The following CACNA1C variants were observed in gnomAD, a reference collection of about 807,000 sequenced individuals.
CACNA1C encodes the protein voltage-dependent L-type calcium channel subunit alpha-1C.
In CACNA1C, 30 loss-of-function variants were observed where a neutral mutation model predicts 229.0. The observed-to-expected ratio is 0.13, with a 90% CI of 0.10 to 0.18. CACNA1C has a LOEUF of 0.18. Among genes scored for constraint, CACNA1C ranks in the 10% least tolerant of loss-of-function variants. The probability of loss-of-function intolerance (pLI) is 1.00; values close to 1 mark genes in which losing one functional copy is unlikely to be tolerated. For synonymous variants in CACNA1C, 1,114 were observed against 1,132.5 expected, an observed-to-expected ratio of 0.98 and a Z score of 0.33; for missense variants, 1,658 against 2,845.0, an observed-to-expected ratio of 0.58 and a Z score of 9.49.
intron 26 of CACNA1C, chr12:2,607,360 T>C (rs1405066066): frequency 6.2e-6 from 3 of 483,178 alleles, no homozygotes; most frequent in East Asian, 3.4e-5. Flanking sequence ...AAAAGTGACC[T>C]TTTTTTAGCC....
intron 1 of CACNA1C, among the ~76,000 whole-genome samples, chr12:2,078,704 C>T (rs1022621684): frequency 1.3e-5 from 2 of 152,136 alleles, no homozygotes; most frequent in African/African-American, 4.8e-5. Context: ...AAACGCTTAT[C>T]GTGGAAGTCG....
chr12:2,113,299 G>A (rs533572427), intron 1 of CACNA1C, among the ~76,000 whole-genome samples: 62 of 152,334 alleles, frequency 4.1e-4, no homozygotes, highest in Non-Finnish European at 7.9e-4. Context: ...AGGTTCCTGT[G>A]GGGACGGGGT....
intron 1 of CACNA1C, among the ~76,000 whole-genome samples, chr12:2,019,335 G>A (rs911154985): frequency 1.3e-5 from 2 of 151,956 alleles, no homozygotes; most frequent in African/African-American, 4.8e-5. Flanking sequence ...GTTGTGGCAC[G>A]TGCCTGTAGT....
chr12:1,996,661 A>C (rs2040986338), intron 1 of CACNA1C, among the ~76,000 whole-genome samples: 1 of 106,330 alleles, frequency 9.4e-6, no homozygotes, highest in Non-Finnish European at 1.9e-5. Flanking sequence ...AAAAACAACA[A>C]ACTCTTCTAA....
chr12:2,076,970 G>T (rs1016717855), intron 1 of CACNA1C, among the ~76,000 whole-genome samples: 2 of 152,232 alleles, frequency 1.3e-5, no homozygotes, highest in African/African-American at 4.8e-5. Flanking sequence ...TGGCTGGCAC[G>T]TGCCCTGGAG....
At chr12:2,269,040 G>A (rs956326660) in intron 3 of CACNA1C, among the ~76,000 whole-genome samples, 7 of 152,192 alleles carry the variant, frequency 4.6e-5, no homozygotes, top group Non-Finnish European at 7.3e-5. Flanking sequence ...CTGGCAGCAG[G>A]TACCAGCAAG....
At chr12:2,081,288 C>T (rs187713965) in intron 1 of CACNA1C, among the ~76,000 whole-genome samples, 63 of 152,194 alleles carry the variant, frequency 4.1e-4, no homozygotes, top group Admixed American at 2.9e-3. Flanking sequence ...AGACATTTTT[C>T]GGCCAGGTGC....
intron 1 of CACNA1C, among the ~76,000 whole-genome samples, chr12:2,002,614 T>C (rs1263744842): frequency 6.6e-6 from 1 of 152,186 alleles, no homozygotes; most frequent in Non-Finnish European, 1.5e-5. Context: ...GAAACAACTA[T>C]TATTCAAGAG....
At chr12:2,368,040 A>T (rs2097767135) in intron 3 of CACNA1C, among the ~76,000 whole-genome samples, 1 of 152,242 alleles carries the variant, frequency 6.6e-6, no homozygotes, top group African/African-American at 2.4e-5. Context: ...TTCAAGGACT[A>T]TTCAATGCTG....
intron 5 of CACNA1C, among the ~76,000 whole-genome samples, chr12:2,481,858 A>G (rs565907337): frequency 8.0e-4 from 122 of 152,366 alleles, no homozygotes; most frequent in Middle Eastern, 6.8e-3. Flanking sequence ...GTTTGTCAGC[A>G]GTTGCTTCAC....
At position 2,403,822 on chromosome 12, in the gene CACNA1C, G is replaced by C. The variant is rs1019215351; in HGVS notation, c.478-45154G>C. Among the ~76,000 whole-genome samples, 1 of 152,182 alleles carries C rather than the reference G, an allele frequency of 6.6e-6. No homozygotes were observed. On this transcript the variant is annotated intron_variant, in intron 3 of 46. Coordinates refer to ENST00000399655, the MANE Select transcript of CACNA1C (RefSeq NM_000719.7). The surrounding 1 kb of genome is among the most constrained non-coding windows in gnomAD (Gnocchi z 4.1). ...CCCACCACAAGATGACGAAGATGTG[G>C]TGTTGACAGACTGCTGGTGTCCGTG...
chr12:1,981,263 T>G (rs1013884795), intron 1 of CACNA1C, among the ~76,000 whole-genome samples: 1 of 152,216 alleles, frequency 6.6e-6, no homozygotes, highest in Non-Finnish European at 1.5e-5. Flanking sequence ...GGCTCCTTAA[T>G]GCCTAATGGC....
chr12:2,385,103 A>C (rs189707596), intron 3 of CACNA1C, among the ~76,000 whole-genome samples: 8 of 152,334 alleles, frequency 5.3e-5, no homozygotes, highest in Non-Finnish European at 8.8e-5. Context: ...TTCCCAGAGA[A>C]AATGAGGCTT....
At chr12:2,272,504 A>G (rs1434308901) in intron 3 of CACNA1C, among the ~76,000 whole-genome samples, 1 of 152,234 alleles carries the variant, frequency 6.6e-6, no homozygotes, top group Non-Finnish European at 1.5e-5. Context: ...GACAGCAGAT[A>G]TTCCAAAACT....
chr12:2,284,306 T>TTTG (rs2092237710), intron 3 of CACNA1C, among the ~76,000 whole-genome samples: 2 of 152,038 alleles, frequency 1.3e-5, no homozygotes, highest in African/African-American at 4.8e-5. Flanking sequence ...TTTTTTTTTT[T>TTTG]TTTTGGTAGT....
intron 3 of CACNA1C, among the ~76,000 whole-genome samples, chr12:2,415,773 G>A (rs997839556): frequency 1.3e-5 from 2 of 152,174 alleles, no homozygotes; most frequent in African/African-American, 4.8e-5. Flanking sequence ...CCCCGCCATG[G>A]TGGCCTCGTC....
At chr12:2,635,881 T>C (rs575917414) in intron 30 of CACNA1C, among the ~76,000 whole-genome samples, 1 of 152,322 alleles carries the variant, frequency 6.6e-6, no homozygotes, top group African/African-American at 2.4e-5. Context: ...TGAGTGTATG[T>C]GTGTATGTGC....
chr12:2,274,608 G>A (rs1165790500), intron 3 of CACNA1C, among the ~76,000 whole-genome samples: 1 of 152,170 alleles, frequency 6.6e-6, no homozygotes, highest in African/African-American at 2.4e-5. Flanking sequence ...CACGGTCCCT[G>A]CATAAGCTAG....
intron 38 of CACNA1C, 69 bp downstream of exon 38, chr12:2,669,104 C>A: frequency 8.9e-7 from 1 of 1,122,996 alleles, no homozygotes. Flanking sequence ...AGGAGCTCGG[C>A]AGCCTGCAAA....
Sources: allele counts gnomAD v4.1 joint callset (sites outside exome capture counted in the v4.1 genomes callset), GRCh38; gene constraint gnomAD v4.1.1; non-coding constraint Gnocchi (gnomAD v3.1); transcripts MANE v1.5; gene names NCBI Gene and HGNC (gene_info 2026-07-23, HGNC 2026-07-21).